CTNND2: variants seen among roughly 807,000 people sequenced by gnomAD.
CTNND2 encodes the protein catenin delta-2.
A neutral mutation model predicts 144.4 loss-of-function variants in CTNND2; 22 were observed. The ratio of observed to expected loss-of-function variants is 0.15; its 90% CI spans 0.11 to 0.22. The LOEUF (loss-of-function observed/expected upper bound fraction) is 0.22. Among genes scored for constraint, CTNND2 ranks in the 10% least tolerant of loss-of-function variants. CTNND2 has a pLI of 1.00. For missense variants in CTNND2, 1,353 were observed against 1,618.8 expected (o/e 0.84, Z 2.82); for synonymous variants, 751 against 695.6 (o/e 1.08, Z -1.25).
chr5:11,219,931 G>T (rs988595971), intron 10 of CTNND2, among the ~76,000 whole-genome samples: 1 of 152,006 alleles, frequency 6.6e-6, no homozygotes, highest in African/African-American at 2.4e-5. Flanking sequence ...GTGAATAGGG[G>T]GCCTACTTCT....
chr5:11,774,483 T>A (rs1032658034), intron 1 of CTNND2, among the ~76,000 whole-genome samples: 31 of 142,792 alleles, frequency 2.2e-4, no homozygotes, highest in African/African-American at 6.5e-4. Flanking sequence ...CGCACCAGCA[T>A]GGCACATGTA....
intron 7 of CTNND2, among the ~76,000 whole-genome samples, chr5:11,365,909 C>T (rs61750661): frequency 0.016 from 2,405 of 152,258 alleles, 80 homozygotes; most frequent in South Asian, 0.07. Flanking sequence ...ATACAGAACA[C>T]GGACAAGAAC....
chr5:11,654,659 G>GT (rs57349888), intron 2 of CTNND2, among the ~76,000 whole-genome samples: 4,926 of 144,250 alleles, frequency 0.034, 87 homozygotes, highest in African/African-American at 0.051. Flanking sequence ...CGTCTTTAGG[G>GT]TTTTTTTTTT....
At chr5:11,808,940 C>CG (rs1792159581) in intron 1 of CTNND2, among the ~76,000 whole-genome samples, 1 of 152,188 alleles carries the variant, frequency 6.6e-6, no homozygotes, top group East Asian at 1.9e-4. Flanking sequence ...ACTAATGGAA[C>CG]AACTCCAGCT....
intron 9 of CTNND2, among the ~76,000 whole-genome samples, chr5:11,253,602 C>T (rs930766751): frequency 6.6e-6 from 1 of 152,160 alleles, no homozygotes; most frequent in Non-Finnish European, 1.5e-5. Flanking sequence ...GTCCATTAAA[C>T]CTCTTTTTCT....
chr5:11,890,884 T>C (rs1272234219), intron 1 of CTNND2, among the ~76,000 whole-genome samples: 4 of 152,104 alleles, frequency 2.6e-5, no homozygotes, highest in African/African-American at 9.7e-5. Context: ...GGAGATAAGA[T>C]AAAATAGAAA....
chr5:11,681,982 A>G (rs944332340), intron 2 of CTNND2, among the ~76,000 whole-genome samples: 3 of 152,200 alleles, frequency 2.0e-5, no homozygotes, highest in Admixed American at 2.0e-4. Context: ...ATGACACATG[A>G]CACATGACAC....
intron 3 of CTNND2, among the ~76,000 whole-genome samples, chr5:11,542,542 A>C (rs1259739541): frequency 6.6e-6 from 1 of 152,218 alleles, no homozygotes; most frequent in Non-Finnish European, 1.5e-5. Context: ...ATTTAAAAAT[A>C]TGTTCCCATA....
intron 2 of CTNND2, among the ~76,000 whole-genome samples, chr5:11,655,929 T>C (rs1035277657): frequency 3.3e-5 from 5 of 152,076 alleles, no homozygotes; most frequent in African/African-American, 1.2e-4. Flanking sequence ...CGGGACGTAC[T>C]GAGTCAGCGA....
intron 9 of CTNND2, among the ~76,000 whole-genome samples, chr5:11,296,555 T>A (rs962006671): frequency 2.0e-5 from 3 of 152,164 alleles, no homozygotes; most frequent in Non-Finnish European, 4.4e-5. Context: ...GCGGCACTAT[T>A]CACAATAGCA....
At chr5:11,250,489 CTCTA>C (rs1248582017) in intron 9 of CTNND2, among the ~76,000 whole-genome samples, 51 of 68,052 alleles carry the variant, frequency 7.5e-4, no homozygotes, top group South Asian at 3.6e-3. Context: ...CTCTCTCTCT[CTCTA>C]TATATATATA....
intron 2 of CTNND2, among the ~76,000 whole-genome samples, chr5:11,642,196 G>A (rs1398201993): frequency 1.3e-5 from 2 of 152,096 alleles, no homozygotes; most frequent in African/African-American, 2.4e-5. Context: ...ACCTATTTAT[G>A]TCTCAGGTAC....
At chr5:11,017,574 A>G (rs1248230719) in intron 18 of CTNND2, among the ~76,000 whole-genome samples, 2 of 140,504 alleles carry the variant, frequency 1.4e-5, no homozygotes, top group Non-Finnish European at 3.1e-5. Flanking sequence ...ATATATATAT[A>G]TATCTTTCCA....
rs549724991 is a variant in CTNND2, at chr5:11,019,453, T to C, written c.3000-1395A>G. On this transcript the variant is annotated intron_variant, in intron 17 of 21. Transcript: ENST00000304623. ...ATTAGTGTGCAAAAATGCTTCTGAG[T>C]AGAAACAAAAGTGTAGTTTTTGTTT... Among the ~76,000 whole-genome samples, 15 of 152,310 alleles carry C rather than the reference T, an allele frequency of 9.8e-5. No individual in the cohort carries two copies. The South Asian group carries it at 2.7e-3, about 27-fold the overall frequency.
chr5:11,804,916 A>C (rs1376744695), intron 1 of CTNND2, among the ~76,000 whole-genome samples: 2 of 152,376 alleles, frequency 1.3e-5, no homozygotes, highest in African/African-American at 4.8e-5. Flanking sequence ...TGTACAAAAC[A>C]ACCTCACTGA....
At chr5:11,649,313 G>GTTATT (rs2126531038) in intron 2 of CTNND2, among the ~76,000 whole-genome samples, 1 of 152,116 alleles carries the variant, frequency 6.6e-6, no homozygotes, top group African/African-American at 2.4e-5. Flanking sequence ...AACTTATTTT[G>GTTATT]TTATTTTTAT....
chr5:11,850,632 A>C (rs1308264337), intron 1 of CTNND2, among the ~76,000 whole-genome samples: 1 of 152,210 alleles, frequency 6.6e-6, no homozygotes, highest in African/African-American at 2.4e-5. Context: ...TTTCAAATCC[A>C]TTCTGCTACT....
intron 3 of CTNND2, among the ~76,000 whole-genome samples, chr5:11,513,644 A>C (rs1771862163): frequency 1.3e-5 from 2 of 152,186 alleles, no homozygotes. Context: ...TTGATGACTT[A>C]AATATCTTTT....
At chr5:11,105,090 C>T (rs180715224) in intron 14 of CTNND2, among the ~76,000 whole-genome samples, 1 of 152,338 alleles carries the variant, frequency 6.6e-6, no homozygotes, top group Admixed American at 6.5e-5. Context: ...CTGGGCCTGC[C>T]TGTCCCTTCC....
Sources: allele counts gnomAD v4.1 joint callset (sites outside exome capture counted in the v4.1 genomes callset), GRCh38; gene constraint gnomAD v4.1.1; transcripts MANE v1.5; gene names NCBI Gene and HGNC (gene_info 2026-07-23, HGNC 2026-07-21).